The following ARL5B variants were observed in gnomAD, a reference collection of about 807,000 sequenced individuals.
ARL5B encodes the protein ADP-ribosylation factor-like protein 5B.
In ARL5B, 10 loss-of-function variants were observed where a neutral mutation model predicts 26.9. The observed-to-expected ratio is 0.37, with a 90% CI of 0.23 to 0.63. ARL5B has a LOEUF of 0.63. Ranked by LOEUF, ARL5B falls within the 30% of genes least tolerant of loss-of-function variation. The pLI, the probability that ARL5B is intolerant of heterozygous loss-of-function variation, is 0.62. For synonymous variants in ARL5B, 87 were observed against 70.4 expected (o/e 1.24, Z -1.18); for missense variants, 167 against 213.9 (o/e 0.78, Z 1.37).
At chr10:18,666,885 A>G (rs765253627) in intron 2 of ARL5B, among the ~76,000 whole-genome samples, 13 of 152,204 alleles carry the variant, frequency 8.5e-5, no homozygotes, top group Non-Finnish European at 1.9e-4. Context: ...TAAAGCGCAT[A>G]TTAGAAGTGC....
In ARL5B at chr10:18,672,636, T is replaced by C. The variant is rs1469951591; in HGVS notation, c.270T>C (p.Val90=). ...YYSNTEFIIL[V]VDSIDRERLA... The stretch of plus-strand genomic sequence containing the variant: ...TTTTCTTCTAGTTCATCATTCTTGT[T>C]GTTGATAGCATTGACAGGGAACGAC... Residue 90 remains valine (V), a synonymous_variant, in exon 4 of 6, where the codon GTT becomes GTC. Coordinates refer to ENST00000377275, the MANE Select transcript of ARL5B (RefSeq NM_178815.5). 2.5e-6 allele frequency: 4 copies of C among 1,609,066 alleles called. No homozygotes were observed. The African/African-American group carries it at 4.0e-5, about 16-fold the overall frequency.
Position 18,674,155 on chromosome 10 carries a change from G to A in ARL5B, c.491+20G>A. The A allele has an allele frequency of 6.3e-7, 1 of 1,591,356 alleles. No homozygotes were observed. Among genetic ancestry groups the A allele is most frequent in the South Asian group, 1.1e-5 (1 of 88,006 alleles). ...AGAAGGGTAAGTTCATCCGTCTGAG[G>A]GGAGGTATGACTTCTTTCAAATTTC... On this transcript the variant is annotated intron_variant, in intron 5 of 5. Transcript: ENST00000377275.
chr10:18,675,470 A>T lies in ARL5B; in HGVS notation c.*254A>T. 2.4e-6 allele frequency: 1 copy of T among 419,636 alleles called. No homozygotes were observed. Among genetic ancestry groups the T allele is most frequent in the Non-Finnish European group, 4.3e-6 (1 of 230,586 alleles). The allele number at this position is 419,636 out of a possible 1,614,324, so 26.0% of individuals were successfully genotyped here. A position where few individuals can be genotyped will look rare whatever the true frequency, so the allele number is the denominator to read the frequency against. On this transcript the variant is annotated 3_prime_UTR_variant, in exon 6 of 6. Transcript: ENST00000377275. ...CAGCAACAATTCTTCTGTTTATTCT[A>T]ATTAATCAGTGACTGCCTTGTAAGA...
Position 18,669,582 on chromosome 10 carries a change from A to G in ARL5B, c.255+905A>G, listed in dbSNP as rs553366515. Among the ~76,000 whole-genome samples, 47 of 152,298 alleles carry G rather than the reference A, an allele frequency of 3.1e-4. 1 individual carries two copies. The highest frequency in any genetic ancestry group is 1.6e-3 in the Admixed American group (25 of 15,288). On this transcript the variant is annotated intron_variant, in intron 3 of 5. Transcript: ENST00000377275. ...GGCAGATTTTTTTAAAAGCCATTCA[A>G]TGTAGTTTAGAGAGATTTATCCTTG...
rs1230532476 is a variant in ARL5B, at chr10:18,680,174, G to A, written c.*4958G>A. ...ATTACCTCATTTTTCAATCCATAAG[G>A]TGCTTTGCTCAAGTTTGTGGGATGT... On this transcript the variant is annotated 3_prime_UTR_variant, in exon 6 of 6. Transcript: ENST00000377275. 1 of 151,862 alleles carries A rather than the reference G, an allele frequency of 6.6e-6. No individual in the cohort carries two copies. The highest frequency in any genetic ancestry group is 1.5e-5 in the Non-Finnish European group (1 of 67,886). The allele number at this position is 151,862 out of a possible 1,614,324, so 9.4% of individuals were successfully genotyped here.
intron 3 of ARL5B, among the ~76,000 whole-genome samples, chr10:18,672,180 T>C (rs2059891025): frequency 6.6e-6 from 1 of 152,238 alleles, no homozygotes; most frequent in Admixed American, 6.5e-5. Context: ...AAACTAGCTT[T>C]TCTTTCTAAG....
chr10:18,671,786 C>T (rs1344642982), intron 3 of ARL5B, among the ~76,000 whole-genome samples: 1 of 151,966 alleles, frequency 6.6e-6, no homozygotes, highest in South Asian at 2.1e-4. Flanking sequence ...CCACCTTAGC[C>T]TCCCAAGTAG....
At position 18,675,869 on chromosome 10, in the gene ARL5B, A is replaced by G. The variant is rs1419323441; in HGVS notation, c.*653A>G. The G allele has an allele frequency of 6.6e-6, 1 of 152,074 alleles. No homozygotes were observed. Among genetic ancestry groups the G allele is most frequent in the Non-Finnish European group, 1.5e-5 (1 of 67,926 alleles). The allele number at this position is 152,074 out of a possible 1,614,324, so 9.4% of individuals were successfully genotyped here. A position where few individuals can be genotyped will look rare whatever the true frequency, so the allele number is the denominator to read the frequency against. ...GGCTGTTTATTTATCTAAAGGAATC[A>G]AGTCCACTCTTCTGCCTGCAACATT... On this transcript the variant is annotated 3_prime_UTR_variant, in exon 6 of 6. Transcript: ENST00000377275.
rs2059927857 is a variant in ARL5B at position 18,680,492 on chromosome 10, C to T, written c.*5276C>T. The T allele has an allele frequency of 6.6e-6, 1 of 152,052 alleles. No individual in the cohort carries two copies. The highest frequency in any genetic ancestry group is 1.5e-5 in the Non-Finnish European group (1 of 67,952). 9.4% of individuals were successfully genotyped at this position (152,052 alleles called of 1,614,324 possible). On this transcript the variant is annotated 3_prime_UTR_variant, in exon 6 of 6. Transcript: ENST00000377275. ...TCAGTGTTGGTAAGATATCAAATGA[C>T]TATCAGTTGATCCCAGTCATCAGTG... is the stretch of plus-strand genomic sequence containing the variant.
intron 1 of ARL5B, among the ~76,000 whole-genome samples, chr10:18,663,591 C>T (rs946161201): frequency 4.7e-5 from 7 of 148,022 alleles, no homozygotes; most frequent in Non-Finnish European, 8.9e-5. Context: ...CTCTGTCGCC[C>T]AGGCTGGAGT....
Position 18,678,564 on chromosome 10 carries a change from T to G in ARL5B, c.*3348T>G, listed in dbSNP as rs772489800. On this transcript the variant is annotated 3_prime_UTR_variant, in exon 6 of 6. Coordinates refer to ENST00000377275, the MANE Select transcript of ARL5B (RefSeq NM_178815.5). ...AATCATTCTGAATAATCAATTTTTA[T>G]TTAGTCCTTAACTATGTAAAACCGT... 6.6e-5 allele frequency: 10 copies of G among 151,882 alleles called. No homozygotes were observed. Among genetic ancestry groups the G allele is most frequent in the Non-Finnish European group, 1.5e-4 (10 of 67,794 alleles). 9.4% of individuals were successfully genotyped at this position (151,882 alleles called of 1,614,324 possible).
At chr10:18,663,730 A>T (rs1437473134) in intron 1 of ARL5B, among the ~76,000 whole-genome samples, 4 of 150,510 alleles carry the variant, frequency 2.7e-5, no homozygotes, top group Admixed American at 6.6e-5. Context: ...CTGTATTTTT[A>T]GTAGAGACGG....
chr10:18,661,706 C>T (rs1183774630), intron 1 of ARL5B, among the ~76,000 whole-genome samples: 2 of 152,072 alleles, frequency 1.3e-5, no homozygotes, highest in African/African-American at 2.4e-5. Context: ...AAAAATATAA[C>T]GTTGGCTGCA....
At chr10:18,659,900 G>T in intron 1 of ARL5B, 1 of 985,352 alleles carries the variant, frequency 1.0e-6, no homozygotes, top group South Asian at 4.7e-5. Flanking sequence ...AAGGTATTTG[G>T]CGTCCCAGAA....
intron 3 of ARL5B, among the ~76,000 whole-genome samples, chr10:18,670,586 G>A (rs997739647): frequency 6.6e-6 from 1 of 152,180 alleles, no homozygotes; most frequent in Non-Finnish European, 1.5e-5. Flanking sequence ...ACTCCAGCCT[G>A]GGTGGCAGAG....
At position 18,681,261 on chromosome 10, in the gene ARL5B, C is replaced by G. The variant is rs2059930822; in HGVS notation, c.*6045C>G. 1.3e-5 allele frequency: 2 copies of G among 152,214 alleles called. No individual in the cohort carries two copies. The highest frequency in any genetic ancestry group is 1.9e-4 in the East Asian group (1 of 5,182). 9.4% of individuals were successfully genotyped at this position (152,214 alleles called of 1,614,324 possible). On this transcript the variant is annotated 3_prime_UTR_variant, in exon 6 of 6. Coordinates refer to ENST00000377275, the MANE Select transcript of ARL5B (RefSeq NM_178815.5). ...TCCAATATATAAGCATTAACAACAA[C>G]AACAAAAAATTTAAAACAAGTAAAT...
In ARL5B at chr10:18,666,594, G is replaced by T. The variant is rs1159754359; in HGVS notation, c.66G>T (p.Val22=). 3.7e-6 allele frequency: 6 copies of T among 1,609,350 alleles called. No homozygotes were observed. The South Asian group carries it at 6.7e-5, about 18-fold the overall frequency. The part of the protein sequence containing the change: ...FCNQEHKVII[V]GLDNAGKTTI... ...TTGTAGAACACAAAGTAATTATAGTGGGACTGGATAATGCAGGGAAAACCA... is the reference window on the plus strand; with the variant it reads ...TTGTAGAACACAAAGTAATTATAGTTGGACTGGATAATGCAGGGAAAACCA... Residue 22 remains valine (V), a synonymous_variant, in exon 2 of 6, where the codon GTG becomes GTT. Coordinates refer to ENST00000377275, the MANE Select transcript of ARL5B (RefSeq NM_178815.5).
Position 18,672,634 on chromosome 10 carries a change from G to A in ARL5B, c.268G>A (p.Val90Ile), listed in dbSNP as rs1266068684. The A allele has an allele frequency of 1.2e-6, 2 of 1,607,016 alleles. No homozygotes were observed. The highest frequency in any genetic ancestry group is 1.7e-6 in the Non-Finnish European group (2 of 1,176,494). ...AATTTTCTTCTAGTTCATCATTCTT[G>A]TTGTTGATAGCATTGACAGGGAACG... Reference protein sequence around the residue: ...YYSNTEFIILVVDSIDRERLA... With the variant: ...YYSNTEFIILIVDSIDRERLA... Residue 90 changes from valine to isoleucine, a missense_variant, in exon 4 of 6, where the codon GTT becomes ATT. Val to Ile is a conservative substitution (Grantham distance 29). Coordinates refer to ENST00000377275, the MANE Select transcript of ARL5B (RefSeq NM_178815.5).
intron 3 of ARL5B, among the ~76,000 whole-genome samples, chr10:18,669,431 T>TA (rs1336585289): frequency 6.6e-6 from 1 of 152,172 alleles, no homozygotes; most frequent in Non-Finnish European, 1.5e-5. Context: ...GATTTTTTTT[T>TA]AATTAGAAAA....
Sources: allele counts gnomAD v4.1 joint callset (sites outside exome capture counted in the v4.1 genomes callset), GRCh38; gene constraint gnomAD v4.1.1; transcripts MANE v1.5; gene names NCBI Gene and HGNC (gene_info 2026-07-23, HGNC 2026-07-21).